The following PIK3C2B variants were observed in gnomAD, a reference collection of about 807,000 sequenced individuals.
The protein encoded by PIK3C2B is phosphatidylinositol 4-phosphate 3-kinase C2 domain-containing subunit beta.
Under a neutral mutation model 184.3 loss-of-function variants are expected in PIK3C2B, and 83 were observed. That is an observed-to-expected ratio of 0.45 (90% confidence interval 0.38 to 0.54). The LOEUF is 0.54. PIK3C2B is among the 20% of genes least tolerant of loss of function. The pLI is 0.00. For missense variants in PIK3C2B, 1,736 were observed against 2,113.5 expected, an observed-to-expected ratio of 0.82 and a Z score of 3.50; for synonymous variants, 779 against 837.6, an observed-to-expected ratio of 0.93 and a Z score of 1.21.
rs918722906 is a variant in PIK3C2B at position 204,433,879 on chromosome 1, G to A, written c.3757C>T (p.Arg1253Cys). Residue 1253 changes from arginine to cysteine, a missense_variant, in exon 25 of 33, where the codon CGC becomes TGC. Transcript: ENST00000684373. This position sits in a 1 kb window ranked among gnomAD's most constrained non-coding sequence, Gnocchi z 5.0. ...CAAAGGTCAACAAAATCATGGAAGC[G>A]GCTGGAAGGCTTGTCACCCCCGTTG... ...VINGGDKPSS[R>C]FHDFVDLCCQ... is the part of the protein sequence containing the mutation. The A allele has an allele frequency of 3.1e-6, 5 of 1,614,048 alleles. No individual in the cohort carries two copies. The highest frequency in any genetic ancestry group is 4.2e-6 in the Non-Finnish European group (5 of 1,179,922).
At chr1:204,441,189 G>T (rs1675640097) in intron 21 of PIK3C2B, among the ~76,000 whole-genome samples, 1 of 152,184 alleles carries the variant, frequency 6.6e-6, no homozygotes, top group Non-Finnish European at 1.5e-5. Flanking sequence ...GGGACAAGCG[G>T]ATCACCACCT....
At position 204,443,454 on chromosome 1, in the gene PIK3C2B, G is replaced by C. The variant is rs149892208; in HGVS notation, c.3011C>G (p.Ala1004Gly). ...CWLVNALAKL[A>G]QQVREAAPSA... ...TGGGGCTGCCTCCCGGACCTGCTGG[G>C]CCAGTTTGGCCAGGGCATTGACAAG... Residue 1004 changes from alanine to glycine, a missense_variant, in exon 19 of 33, where the codon GCC becomes GGC. Ala to Gly is a moderately conservative substitution (Grantham distance 60, BLOSUM62 0). Transcript: ENST00000684373. 8.3e-4 allele frequency: 1,341 copies of C among 1,614,206 alleles called. 1 individual carries two copies. The highest frequency in any genetic ancestry group is 1.0e-3 in the Non-Finnish European group (1,202 of 1,180,046).
chr1:204,460,214 T>C, intron 7 of PIK3C2B, 110 bp downstream of exon 7: 6 of 884,190 alleles, frequency 6.8e-6, no homozygotes, highest in Non-Finnish European at 1.1e-5. Flanking sequence ...CCCCAACCCC[T>C]GACACCTGCA....
chr1:204,439,411 T>C (rs1675523662), intron 22 of PIK3C2B, among the ~76,000 whole-genome samples: 1 of 152,244 alleles, frequency 6.6e-6, no homozygotes, highest in Non-Finnish European at 1.5e-5. Flanking sequence ...AACATTTTGC[T>C]AATCTTGTTT....
chr1:204,427,799 G>T, intron 30 of PIK3C2B, 45 bp from the exon 31 acceptor site: 1 of 1,418,382 alleles, frequency 7.1e-7, no homozygotes, highest in Non-Finnish European at 1.0e-6. Flanking sequence ...GGCCAGGCAG[G>T]TGTTTCTGTT....
chr1:204,442,482 T>G, intron 20 of PIK3C2B, 44 bp downstream of exon 20: 1 of 1,316,090 alleles, frequency 7.6e-7, no homozygotes, highest in South Asian at 1.3e-5. Context: ...TCACCTCCAC[T>G]GAGCCCTCCC....
In PIK3C2B at chr1:204,476,642, G is replaced by A. The variant is rs80155941; in HGVS notation, c.-84-6756C>T. On this transcript the variant is annotated intron_variant, in intron 1 of 32. Transcript: ENST00000684373. ...CTGTATAAAAACAAATAGCCATGTC[G>A]GTCCCTTGAAAGAGGAAGGGTAGAT... Among the ~76,000 whole-genome samples, 316 of 152,280 alleles carry A rather than the reference G, an allele frequency of 2.1e-3. 2 individuals are homozygous for A. The highest frequency in any genetic ancestry group is 7.3e-3 in the African/African-American group (303 of 41,554).
Position 204,449,951 on chromosome 1 carries a change from A to G in PIK3C2B, c.2133T>C (p.Ala711=), listed in dbSNP as rs544060699. 6.2e-6 allele frequency: 10 copies of G among 1,610,298 alleles called. No individual in the cohort carries two copies. The highest frequency in any genetic ancestry group is 1.1e-5 in the South Asian group (1 of 89,952). ...AGCTCCCCGGTGGGGGGATGGGCAG[A>G]GCATAGAGAGTGGCACACAGCAGTG... ...RETLLCATLY[A]LPIPPPGSSS... is the part of the protein sequence containing the mutation. The change falls in exon 13 of 33, where the codon GCT becomes GCC. Residue 711 remains alanine, a synonymous_variant. Transcript: ENST00000684373.
chr1:204,448,733 G>A (rs1654088790), intron 14 of PIK3C2B, among the ~76,000 whole-genome samples: 1 of 152,066 alleles, frequency 6.6e-6, no homozygotes, highest in East Asian at 1.9e-4. Flanking sequence ...AGGGGAAGCT[G>A]GGAACTGAGA....
intron 1 of PIK3C2B, among the ~76,000 whole-genome samples, chr1:204,493,458 C>G (rs79345913): frequency 0.051 from 6,473 of 125,916 alleles, 226 homozygotes; most frequent in Non-Finnish European, 0.075. Flanking sequence ...AGGGAAGCTA[C>G]GAAGACCCCA....
chr1:204,434,348 G>T, intron 24 of PIK3C2B, 91 bp downstream of exon 24: 1 of 1,155,760 alleles, frequency 8.7e-7, no homozygotes, highest in Non-Finnish European at 1.3e-6. Context: ...AGGCCCAGCT[G>T]CTTCCATCAT....
Position 204,474,393 on chromosome 1 carries a change from C to G in PIK3C2B, c.-84-4507G>C, listed in dbSNP as rs142202655. 4.1e-3 allele frequency among the ~76,000 whole-genome samples: 632 copies of G among 152,298 alleles called. 3 individuals carry two copies. The highest frequency in any genetic ancestry group is 0.014 in the African/African-American group (565 of 41,560). On this transcript the variant is annotated intron_variant, in intron 1 of 32. Coordinates refer to ENST00000684373, the MANE Select transcript of PIK3C2B (RefSeq NM_001377334.1). Reference sequence around the variant, plus strand: ...TCCAAATTCTCCCTTCCCATTTACTCTTTAACTCATTGTAATCTGGTGTCT... The same window carrying G: ...TCCAAATTCTCCCTTCCCATTTACTGTTTAACTCATTGTAATCTGGTGTCT...
intron 12 of PIK3C2B, among the ~76,000 whole-genome samples, chr1:204,452,287 C>CGTTTT (rs1558252010): frequency 1.8e-4 from 8 of 44,386 alleles, no homozygotes; most frequent in African/African-American, 3.9e-4. Context: ...TGTGCAGCAC[C>CGTTTT]CTTTTTTTTT....
intron 4 of PIK3C2B, 54 bp downstream of exon 4, chr1:204,464,396 A>C: frequency 6.5e-7 from 1 of 1,539,796 alleles, no homozygotes; most frequent in Non-Finnish European, 8.9e-7. Flanking sequence ...AAACACAGTC[A>C]TCCCCACCCC....
Position 204,449,901 on chromosome 1 carries a change from C to G in PIK3C2B, c.2183G>C (p.Arg728Pro), listed in dbSNP as rs763414189. 1 of 1,613,900 alleles carries G rather than the reference C, an allele frequency of 6.2e-7. No individual in the cohort carries two copies. Among genetic ancestry groups the G allele is most frequent in the Non-Finnish European group, 8.5e-7 (1 of 1,179,896 alleles). The change falls in exon 13 of 33, where the codon CGG (arginine) becomes CCG (proline). Residue 728 changes from arginine to proline, a missense_variant. Around this residue, in one of 8 missense-constraint regions of PIK3C2B, gnomAD observed 609 missense variants for 699.2 expected, o/e 0.87. Coordinates refer to ENST00000684373, the MANE Select transcript of PIK3C2B (RefSeq NM_001377334.1). ...GACCCAGCCCAGGGCTTCAGGCACCCGCCGCTGCTTATTGGCCTCTGAGGA... is the reference window on the plus strand; with the variant it reads ...GACCCAGCCCAGGGCTTCAGGCACCGGCCGCTGCTTATTGGCCTCTGAGGA... ...GSSSEANKQRRVPEALGWVTT... is the reference protein window; with the variant it reads ...GSSSEANKQRPVPEALGWVTT...
intron 22 of PIK3C2B, among the ~76,000 whole-genome samples, chr1:204,439,272 CT>C (rs747256104): frequency 1.2e-4 from 18 of 152,178 alleles, no homozygotes; most frequent in Non-Finnish European, 2.5e-4. Context: ...ACTTTTTGGT[CT>C]CTCCAGTTCA....
intron 19 of PIK3C2B, 73 bp from the exon 20 acceptor site, chr1:204,442,706 G>C: frequency 9.6e-7 from 1 of 1,046,410 alleles, no homozygotes; most frequent in Non-Finnish European, 1.4e-6. Context: ...TCTCCCAGGG[G>C]TGGGTTCTCC....
At chr1:204,475,613 A>C (rs1378944597) in intron 1 of PIK3C2B, among the ~76,000 whole-genome samples, 1 of 152,198 alleles carries the variant, frequency 6.6e-6, no homozygotes, top group East Asian at 1.9e-4. Flanking sequence ...GGCAGGGGCA[A>C]GGATGGCAAG....
Position 204,438,956 on chromosome 1 carries a change from A to C in PIK3C2B, c.3495T>G (p.Pro1165=), listed in dbSNP as rs746853916. ...CTACCTTCTCATACTCGTCCTCCCC[A>C]GGGTTGTGTTTCTGCAGCCAGTCTG... The part of the protein sequence containing the change: ...PLADWLQKHN[P]GEDEYEKAVE... The change falls in exon 23 of 33, where the codon CCT becomes CCG. Residue 1165 remains proline (P), a synonymous_variant. Coordinates refer to ENST00000684373, the MANE Select transcript of PIK3C2B (RefSeq NM_001377334.1). 1.9e-6 allele frequency: 3 copies of C among 1,613,904 alleles called. No homozygotes were observed. The Admixed American group carries it at 5.0e-5, about 27-fold the overall frequency.
Sources: allele counts gnomAD v4.1 joint callset (sites outside exome capture counted in the v4.1 genomes callset), GRCh38; gene constraint gnomAD v4.1.1; regional missense constraint gnomAD v4.1.1; non-coding constraint Gnocchi (gnomAD v3.1); transcripts MANE v1.5; gene names NCBI Gene and HGNC (gene_info 2026-07-23, HGNC 2026-07-21).